CMIP: variants seen among roughly 807,000 people sequenced by gnomAD.
CMIP encodes C-Maf-inducing protein.
A neutral mutation model predicts 97.3 loss-of-function variants in CMIP; 13 were observed. That is an observed-to-expected ratio of 0.13 (90% CI 0.09 to 0.21). The LOEUF (loss-of-function observed/expected upper bound fraction) is 0.21. Ranked by LOEUF, CMIP falls within the 10% of genes least tolerant of loss-of-function variation. The pLI, the probability that CMIP is intolerant of heterozygous loss-of-function variation, is 1.00. For missense variants in CMIP, 847 were observed against 1,024.9 expected (o/e 0.83, Z 2.37); for synonymous variants, 538 against 436.3 (o/e 1.23, Z -2.91).
chr16:81,516,707 G>T (rs1311921772), intron 1 of CMIP, among the ~76,000 whole-genome samples: 1 of 152,226 alleles, frequency 6.6e-6, no homozygotes, highest in Admixed American at 6.5e-5. Flanking sequence ...GCTCCCTGGG[G>T]GCTGGGACCA....
At chr16:81,558,048 T>C (rs1447489563) in intron 1 of CMIP, among the ~76,000 whole-genome samples, 1 of 152,236 alleles carries the variant, frequency 6.6e-6, no homozygotes. Context: ...ACGCAATATT[T>C]ATCCTTTGTG....
At chr16:81,574,082 T>G (rs2091145483) in intron 1 of CMIP, among the ~76,000 whole-genome samples, 1 of 152,194 alleles carries the variant, frequency 6.6e-6, no homozygotes, top group African/African-American at 2.4e-5. Context: ...ATTCAGATCC[T>G]TGGTCACACT....
In CMIP at chr16:81,614,680, ATG is replaced by A. The variant is rs143871815; in HGVS notation, c.427-6180_427-6179del. ...GTGTGTATGTATGTCTGTATGGTTTATGTGTGTGTGTGTGTGTATGGTATGTC... is the reference window on the plus strand; with the variant it reads ...GTGTGTATGTATGTCTGTATGGTTTATGTGTGTGTGTGTGTATGGTATGTC... On this transcript the variant is annotated intron_variant, in intron 2 of 20. Coordinates refer to ENST00000537098, the MANE Select transcript of CMIP (RefSeq NM_198390.3). The surrounding 1 kb of genome is among the most constrained non-coding windows in gnomAD (Gnocchi z 5.3). Among the ~76,000 whole-genome samples the A allele has an allele frequency of 1.5e-4, 23 of 149,688 alleles. No individual in the cohort carries two copies. Among genetic ancestry groups the A allele is most frequent in the Middle Eastern group, 3.5e-3 (1 of 284 alleles).
At chr16:81,608,709 G>A (rs530651292) in intron 2 of CMIP, among the ~76,000 whole-genome samples, 37 of 151,716 alleles carry the variant, frequency 2.4e-4, no homozygotes, top group East Asian at 1.9e-4. Context: ...CCACGACCAC[G>A]GTCACACATA....
chr16:81,696,430 A>C (rs1051055165), intron 13 of CMIP, 130 bp from the exon 14 acceptor site: 54 of 888,988 alleles, frequency 6.1e-5, no homozygotes, highest in Non-Finnish European at 8.8e-5. Context: ...TTGCTGGAGG[A>C]AACAAAGTTA....
chr16:81,480,786 A>T (rs1411861970), intron 1 of CMIP, among the ~76,000 whole-genome samples: 2 of 152,168 alleles, frequency 1.3e-5, no homozygotes, highest in African/African-American at 4.8e-5. Context: ...TGTTATGATG[A>T]CATCAGTTTC....
At chr16:81,492,357 G>A (rs926427194) in intron 1 of CMIP, among the ~76,000 whole-genome samples, 2 of 152,228 alleles carry the variant, frequency 1.3e-5, no homozygotes, top group Non-Finnish European at 2.9e-5. Flanking sequence ...GTCAACAGCT[G>A]GCTTTGAGAC....
At chr16:81,694,366 G>A (rs747208211) in intron 13 of CMIP, among the ~76,000 whole-genome samples, 3 of 152,302 alleles carry the variant, frequency 2.0e-5, no homozygotes, top group Middle Eastern at 3.4e-3. Context: ...GAGGACAGGG[G>A]GAGTTCCTCT....
At chr16:81,701,632 C>T (rs753205611) in intron 15 of CMIP, 28 bp from the exon 16 acceptor site, 13 of 1,613,484 alleles carry the variant, frequency 8.1e-6, no homozygotes, top group Admixed American at 1.7e-5. Flanking sequence ...AGGCCGGGTC[C>T]GTAATGCACC....
At position 81,454,490 on chromosome 16, in the gene CMIP, G is replaced by A. The variant is rs147972707; in HGVS notation, c.300+8949G>A. 1.4e-3 allele frequency among the ~76,000 whole-genome samples: 206 copies of A among 152,348 alleles called. No individual in the cohort carries two copies. In the East Asian group the frequency reaches 0.032, roughly 24 times the overall value. ...CAGTTTAGTGTTTGCCAAGGTTGGCGGACATTCCTTTGTGATTTTGTCAAA... is the reference window on the plus strand; with the variant it reads ...CAGTTTAGTGTTTGCCAAGGTTGGCAGACATTCCTTTGTGATTTTGTCAAA... On this transcript the variant is annotated intron_variant, in intron 1 of 20. Transcript: ENST00000537098.
intron 1 of CMIP, among the ~76,000 whole-genome samples, chr16:81,579,920 C>CA (rs2091267333): frequency 6.6e-6 from 1 of 152,220 alleles, no homozygotes; most frequent in African/African-American, 2.4e-5. Flanking sequence ...CGCACCACTG[C>CA]ACTCCAGCCC....
At position 81,453,900 on chromosome 16, in the gene CMIP, A is replaced by G. The variant is rs1046252038; in HGVS notation, c.300+8359A>G. Among the ~76,000 whole-genome samples, 2 of 152,220 alleles carry G rather than the reference A, an allele frequency of 1.3e-5. No homozygotes were observed. The highest frequency in any genetic ancestry group is 2.9e-5 in the Non-Finnish European group (2 of 68,040). On this transcript the variant is annotated intron_variant, in intron 1 of 20. Transcript: ENST00000537098. This position sits in a 1 kb window ranked among gnomAD's most constrained non-coding sequence, Gnocchi z 4.0. ...TCAGACACACGGCCACACGGAGTGC[A>G]GGGGAAGACTTGGGAACATGGTTTA... is the stretch of plus-strand genomic sequence containing the variant.
intron 1 of CMIP, among the ~76,000 whole-genome samples, chr16:81,544,011 C>T (rs1488487769): frequency 6.6e-6 from 1 of 152,212 alleles, no homozygotes; most frequent in Non-Finnish European, 1.5e-5. Flanking sequence ...ATCCACCTGG[C>T]ATGAGAAATC....
At chr16:81,446,208 A>C (rs1226220747) in intron 1 of CMIP, among the ~76,000 whole-genome samples, 1 of 151,856 alleles carries the variant, frequency 6.6e-6, no homozygotes, top group Non-Finnish European at 1.5e-5. Context: ...TCTAGCCTAG[A>C]AGCTGCTTGG....
intron 7 of CMIP, among the ~76,000 whole-genome samples, chr16:81,668,563 CCT>C (rs2092636714): frequency 6.6e-6 from 1 of 152,144 alleles, no homozygotes; most frequent in African/African-American, 2.4e-5. Context: ...AGGCAGTGTC[CCT>C]GTGTCCTTGA....
At chr16:81,708,139 G>A (rs546998038) in intron 20 of CMIP, among the ~76,000 whole-genome samples, 12 of 152,270 alleles carry the variant, frequency 7.9e-5, no homozygotes, top group Admixed American at 3.3e-4. Flanking sequence ...AAACCAAGGC[G>A]GGCAGAGGGC....
At chr16:81,654,197 G>A (rs539020054) in intron 4 of CMIP, among the ~76,000 whole-genome samples, 4 of 151,816 alleles carry the variant, frequency 2.6e-5, no homozygotes, top group South Asian at 4.2e-4. Context: ...TCAGGTGACC[G>A]CATGACTGTT....
intron 6 of CMIP, among the ~76,000 whole-genome samples, chr16:81,661,531 A>G (rs1156820303): frequency 6.6e-6 from 1 of 152,156 alleles, no homozygotes; most frequent in African/African-American, 2.4e-5. Flanking sequence ...TTGGAGAGAC[A>G]TGTTCTCAGC....
At chr16:81,533,319 G>A (rs114644768) in intron 1 of CMIP, among the ~76,000 whole-genome samples, 157 of 152,262 alleles carry the variant, frequency 1.0e-3, no homozygotes, top group African/African-American at 3.7e-3. Flanking sequence ...GTGAGTGAAC[G>A]AATGAATGAA....
Sources: gnomAD v4.1 joint callset for allele counts (sites outside exome capture counted in the v4.1 genomes callset) on GRCh38, gnomAD v4.1.1 for gene constraint, Gnocchi (gnomAD v3.1) non-coding constraint, MANE v1.5 for transcripts, NCBI Gene and HGNC (gene_info 2026-07-23, HGNC 2026-07-21) for gene names.